BANP: variants seen among roughly 807,000 people sequenced by gnomAD.
BANP encodes protein BANP.
A neutral mutation model predicts 68.1 loss-of-function variants in BANP; 11 were observed. That is an observed-to-expected ratio of 0.16 (90% CI 0.10 to 0.27). The LOEUF (loss-of-function observed/expected upper bound fraction) is 0.27. Ranked by LOEUF, BANP falls within the 10% of genes least tolerant of loss-of-function variation. The pLI, the probability that BANP is intolerant of heterozygous loss-of-function variation, is 1.00. For synonymous variants in BANP, 329 were observed against 303.2 expected, an observed-to-expected ratio of 1.09 and a Z score of -0.88; for missense variants, 504 against 722.7, an observed-to-expected ratio of 0.70 and a Z score of 3.47.
At chr16:88,053,480 TCAC>T (rs1406475664) in intron 11 of BANP, among the ~76,000 whole-genome samples, 8 of 112,362 alleles carry the variant, frequency 7.1e-5, no homozygotes, top group Admixed American at 8.6e-5. Context: ...ACAACCACCT[TCAC>T]CACCACCTCT....
intron 4 of BANP, among the ~76,000 whole-genome samples, chr16:87,999,483 GACA>G (rs1455344611): frequency 8.3e-4 from 8 of 9,690 alleles, no homozygotes; most frequent in African/African-American, 1.3e-3. Context: ...CAGACACCCA[GACA>G]CGTCTCCATG....
intron 6 of BANP, among the ~76,000 whole-genome samples, chr16:88,015,191 G>A (rs1334379540): frequency 5.3e-5 from 7 of 133,300 alleles, no homozygotes; most frequent in Admixed American, 2.3e-4. Context: ...CCCTCTGCCC[G>A]TGCTCCTTCT....
At chr16:88,017,475 G>C (rs866185840) in intron 6 of BANP, 1 of 152,388 alleles carries the variant, frequency 6.6e-6, no homozygotes, top group Middle Eastern at 3.4e-3. Context: ...CTTTGAAAAG[G>C]CAGCCTTTCA....
chr16:87,973,310 C>G (rs1423723380), intron 1 of BANP, among the ~76,000 whole-genome samples: 2 of 151,568 alleles, frequency 1.3e-5, no homozygotes, highest in African/African-American at 4.9e-5. Flanking sequence ...TTCATCTAAT[C>G]TTGTGTAAAG....
At chr16:88,058,513 C>T (rs896892696) in intron 11 of BANP, among the ~76,000 whole-genome samples, 1 of 152,156 alleles carries the variant, frequency 6.6e-6, no homozygotes, top group Non-Finnish European at 1.5e-5. Context: ...ACCAGAGCTT[C>T]GGGGGATTCC....
At chr16:87,955,890 C>T (rs1362174886) in intron 1 of BANP, among the ~76,000 whole-genome samples, 1 of 152,174 alleles carries the variant, frequency 6.6e-6, no homozygotes, top group Non-Finnish European at 1.5e-5. Flanking sequence ...TCACCACAGT[C>T]CTGGCCAGTG....
intron 8 of BANP, among the ~76,000 whole-genome samples, chr16:88,027,912 T>C (rs781346301): frequency 1.3e-5 from 2 of 152,252 alleles, no homozygotes; most frequent in African/African-American, 2.4e-5. Context: ...GGAAGTCTTC[T>C]GGATGGGGGC....
At chr16:88,065,535 G>A (rs1416523503) in intron 12 of BANP, among the ~76,000 whole-genome samples, 1 of 152,174 alleles carries the variant, frequency 6.6e-6, no homozygotes, top group Non-Finnish European at 1.5e-5. Flanking sequence ...TTGGGACCTG[G>A]GTGTCTTTGT....
chr16:87,996,860 T>C (rs780016009), intron 4 of BANP, among the ~76,000 whole-genome samples: 2 of 152,260 alleles, frequency 1.3e-5, no homozygotes, highest in South Asian at 2.1e-4. Flanking sequence ...GAAAACAGTT[T>C]AAATACTTCA....
chr16:87,967,470 T>C (rs1268436306), intron 1 of BANP, among the ~76,000 whole-genome samples: 1 of 152,038 alleles, frequency 6.6e-6, no homozygotes, highest in African/African-American at 2.4e-5. Flanking sequence ...TTGATTTGTT[T>C]TTTTGAGACG....
chr16:87,950,104 C>T (rs7200853), upstream of BANP, among the ~76,000 whole-genome samples: 1 of 152,140 alleles, frequency 6.6e-6, no homozygotes, highest in Non-Finnish European at 1.5e-5. Context: ...GTCTCGATCT[C>T]CTGACCTCGT....
At chr16:88,063,123 A>G (rs550631274) in intron 11 of BANP, among the ~76,000 whole-genome samples, 8 of 152,256 alleles carry the variant, frequency 5.3e-5, no homozygotes, top group Admixed American at 1.3e-4. Context: ...AGCGCAGCCA[A>G]GCGGAGGGCG....
Position 88,030,677 on chromosome 16 carries a change from C to T in BANP, c.1064-2432C>T, listed in dbSNP as rs530312317. Among the ~76,000 whole-genome samples, 7 of 152,318 alleles carry T rather than the reference C, an allele frequency of 4.6e-5. No homozygotes were observed. The East Asian group carries it at 5.8e-4, about 13-fold the overall frequency. ...CTCAGAGCATTTGCACAGGAGTAGA[C>T]GGTGGTGCAACAGCGTGTGAAGCCG... On this transcript the variant is annotated intron_variant, in intron 8 of 13. Transcript: ENST00000682872.
rs148366948 is a variant in BANP at position 87,954,750 on chromosome 16, C to G, written c.-69+3235C>G. ...TTTCCCTCTGCCCTGATCGGGTCCTCTGCATCTGTCAGGAGTGTGTTCTTT... is the reference window on the plus strand; with the variant it reads ...TTTCCCTCTGCCCTGATCGGGTCCTGTGCATCTGTCAGGAGTGTGTTCTTT... On this transcript the variant is annotated intron_variant, in intron 1 of 13. Coordinates refer to ENST00000682872, the MANE Select transcript of BANP (RefSeq NM_001386991.1). Among the ~76,000 whole-genome samples the G allele has an allele frequency of 6.7e-3, 1,022 of 152,350 alleles. 10 individuals are homozygous for G. The highest frequency in any genetic ancestry group is 0.023 in the African/African-American group (945 of 41,582).
intron 13 of BANP, among the ~76,000 whole-genome samples, chr16:88,073,033 C>T (rs1001017396): frequency 1.3e-5 from 2 of 152,244 alleles, no homozygotes; most frequent in African/African-American, 4.8e-5. Flanking sequence ...CATCCACCTT[C>T]AGTGCTTAGA....
At chr16:88,005,794 A>G (rs6540137) in intron 5 of BANP, among the ~76,000 whole-genome samples, 150,935 of 152,382 alleles carry the variant, frequency 0.99, 74,761 homozygotes, top group East Asian at 1. Flanking sequence ...TGGGATGACT[A>G]CTGAACTCAG....
intron 11 of BANP, among the ~76,000 whole-genome samples, chr16:88,043,428 T>C (rs1003811164): frequency 2.0e-5 from 3 of 152,202 alleles, no homozygotes; most frequent in Non-Finnish European, 4.4e-5. Context: ...CCTGCCTCAC[T>C]GGGGGTGTGA....
At chr16:88,025,049 A>G (rs1182342544) in intron 7 of BANP, among the ~76,000 whole-genome samples, 1 of 152,028 alleles carries the variant, frequency 6.6e-6, no homozygotes, top group Non-Finnish European at 1.5e-5. Context: ...TGAAGGTGGG[A>G]GGGTCACAGG....
chr16:87,967,467 GT>G (rs1046153495), intron 1 of BANP, among the ~76,000 whole-genome samples: 3 of 151,454 alleles, frequency 2.0e-5, no homozygotes, highest in Non-Finnish European at 4.4e-5. Flanking sequence ...TTTTTGATTT[GT>G]TTTTTTGAGA....
Sources: gnomAD v4.1 joint callset for allele counts (sites outside exome capture counted in the v4.1 genomes callset) on GRCh38, gnomAD v4.1.1 for gene constraint, MANE v1.5 for transcripts, NCBI Gene and HGNC (gene_info 2026-07-23, HGNC 2026-07-21) for gene names.